Variants in GRM5 observed in about 807,000 individuals in gnomAD.
GRM5 encodes the protein glutamate metabotropic receptor 5, also known as metabotropic glutamate receptor 5.
Under a neutral mutation model 83.1 loss-of-function variants are expected in GRM5, and 19 were observed. The ratio of observed to expected loss-of-function variants is 0.23; its 90% CI spans 0.16 to 0.34. The LOEUF (loss-of-function observed/expected upper bound fraction) is 0.34. GRM5 is among the 10% of genes least tolerant of loss of function. The pLI, the probability that GRM5 is intolerant of heterozygous loss-of-function variation, is 1.00. For synonymous variants in GRM5, 675 were observed against 633.6 expected (o/e 1.07, Z -0.98); for missense variants, 1,160 against 1,588.3 (o/e 0.73, Z 4.58).
At chr11:88,795,162 A>C (rs1943253641) in intron 3 of GRM5, among the ~76,000 whole-genome samples, 1 of 152,246 alleles carries the variant, frequency 6.6e-6, no homozygotes, top group African/African-American at 2.4e-5. Flanking sequence ...CCACATGTAG[A>C]AGTTCTACAA....
intron 2 of GRM5, among the ~76,000 whole-genome samples, chr11:88,980,171 GA>G (rs1255698777): frequency 6.6e-6 from 1 of 151,936 alleles, no homozygotes; most frequent in Non-Finnish European, 1.5e-5. Context: ...TTTTATAATT[GA>G]AAAAACACAG....
intron 3 of GRM5, among the ~76,000 whole-genome samples, chr11:88,798,313 A>G (rs1369509553): frequency 6.6e-6 from 1 of 152,166 alleles, no homozygotes; most frequent in Non-Finnish European, 1.5e-5. Flanking sequence ...ATGTCCAATT[A>G]ATCTTTCATC....
intron 3 of GRM5, among the ~76,000 whole-genome samples, chr11:88,796,210 G>A (rs191856349): frequency 1.2e-4 from 18 of 152,252 alleles, no homozygotes; most frequent in Admixed American, 9.8e-4. Flanking sequence ...GCTAATGAAA[G>A]CAAAGCAAGG....
At chr11:89,013,462 T>G (rs750372123) in intron 2 of GRM5, among the ~76,000 whole-genome samples, 2 of 152,176 alleles carry the variant, frequency 1.3e-5, no homozygotes, top group Non-Finnish European at 2.9e-5. Context: ...ATCTCTGCAT[T>G]GCACATTAGG....
At chr11:88,985,731 T>C (rs1939685013) in intron 2 of GRM5, among the ~76,000 whole-genome samples, 1 of 152,166 alleles carries the variant, frequency 6.6e-6, no homozygotes, top group African/African-American at 2.4e-5. Flanking sequence ...CACTAAAGCA[T>C]TTTTTGTCCT....
chr11:88,689,056 C>A (rs1191602413), intron 3 of GRM5, among the ~76,000 whole-genome samples: 2 of 151,770 alleles, frequency 1.3e-5, no homozygotes, highest in East Asian at 3.9e-4. Context: ...TAGTACAGTA[C>A]CTGGGAACTT....
chr11:88,879,168 A>G (rs1303677772), intron 2 of GRM5, among the ~76,000 whole-genome samples: 1 of 152,068 alleles, frequency 6.6e-6, no homozygotes, highest in African/African-American at 2.4e-5. Context: ...TTTAACTGAG[A>G]AGGACTCTAA....
Position 89,037,453 on chromosome 11 carries a change from G to C in GRM5, c.661+9759C>G, listed in dbSNP as rs568466632. Among the ~76,000 whole-genome samples, 23 of 152,052 alleles carry C rather than the reference G, an allele frequency of 1.5e-4. No individual in the cohort carries two copies. In the South Asian group the frequency reaches 4.6e-3, roughly 30 times the overall value. On this transcript the variant is annotated intron_variant, in intron 2 of 9. Coordinates refer to ENST00000305447, the MANE Select transcript of GRM5 (RefSeq NM_001143831.3). ...ATAATTGTTCAATGAGTAACCTACA[G>C]TGCAATAACTTAAATTCACAGTTTG...
At chr11:88,748,616 T>C (rs1305440074) in intron 3 of GRM5, among the ~76,000 whole-genome samples, 1 of 152,120 alleles carries the variant, frequency 6.6e-6, no homozygotes, top group Non-Finnish European at 1.5e-5. Flanking sequence ...TCTGGGCAGG[T>C]CCCTGATCCC....
At chr11:89,062,593 C>T (rs997543536) in intron 1 of GRM5, among the ~76,000 whole-genome samples, 1 of 152,200 alleles carries the variant, frequency 6.6e-6, no homozygotes, top group Non-Finnish European at 1.5e-5. Flanking sequence ...CTTGGTTACT[C>T]GATGTTAACA....
chr11:88,752,026 C>A (rs906664966), intron 3 of GRM5, among the ~76,000 whole-genome samples: 1 of 152,108 alleles, frequency 6.6e-6, no homozygotes, highest in East Asian at 1.9e-4. Context: ...GAAGCAGTTC[C>A]CTTTAAAACT....
intron 5 of GRM5, among the ~76,000 whole-genome samples, chr11:88,602,391 A>C (rs1462888476): frequency 2.0e-5 from 3 of 152,184 alleles, no homozygotes; most frequent in Non-Finnish European, 4.4e-5. Flanking sequence ...ATTTAAAAAC[A>C]ATGATTAAAA....
At chr11:88,515,911 G>A (rs1941505969) in intron 9 of GRM5, among the ~76,000 whole-genome samples, 1 of 152,190 alleles carries the variant, frequency 6.6e-6, no homozygotes, top group Admixed American at 6.5e-5. Flanking sequence ...CAAAGAAGAG[G>A]AGAATCCTGG....
chr11:88,672,581 GT>G (rs1361963922), intron 3 of GRM5, among the ~76,000 whole-genome samples: 4 of 151,908 alleles, frequency 2.6e-5, no homozygotes, highest in Non-Finnish European at 1.5e-5. Flanking sequence ...CTGACAATTG[GT>G]GAAATGTACA....
At chr11:88,693,396 C>A (rs1940827805) in intron 3 of GRM5, among the ~76,000 whole-genome samples, 1 of 152,160 alleles carries the variant, frequency 6.6e-6, no homozygotes, top group African/African-American at 2.4e-5. Context: ...CTGGGAAAAG[C>A]CTTTCGAGGA....
intron 6 of GRM5, among the ~76,000 whole-genome samples, chr11:88,592,255 A>G (rs780698186): frequency 6.6e-6 from 1 of 152,232 alleles, no homozygotes; most frequent in Non-Finnish European, 1.5e-5. Context: ...TAAGATAATA[A>G]TATCTACCTT....
chr11:88,912,685 T>A (rs542700451), intron 2 of GRM5, among the ~76,000 whole-genome samples: 1 of 152,350 alleles, frequency 6.6e-6, no homozygotes, highest in South Asian at 2.1e-4. Flanking sequence ...TCCTTGTTAA[T>A]GTTCAATCTT....
intron 2 of GRM5, among the ~76,000 whole-genome samples, chr11:89,020,674 A>T (rs971338716): frequency 5.3e-5 from 8 of 152,192 alleles, no homozygotes; most frequent in African/African-American, 1.9e-4. Context: ...CTTCATGCCT[A>T]TCTGGTTTTT....
chr11:88,741,335 G>A (rs1404202510), intron 3 of GRM5, among the ~76,000 whole-genome samples: 1 of 151,998 alleles, frequency 6.6e-6, no homozygotes, highest in African/African-American at 2.4e-5. Context: ...TAGGGCACCT[G>A]CTTCGGTAGG....
Sources: allele counts gnomAD v4.1 joint callset (sites outside exome capture counted in the v4.1 genomes callset), GRCh38; gene constraint gnomAD v4.1.1; transcripts MANE v1.5; gene names NCBI Gene and HGNC (gene_info 2026-07-23, HGNC 2026-07-21).